Variants in POU6F2 observed in about 807,000 individuals in gnomAD.
POU6F2 encodes the protein POU domain, class 6, transcription factor 2.
Under a neutral mutation model 71.3 loss-of-function variants are expected in POU6F2, and 31 were observed. The observed-to-expected ratio is 0.43, with a 90% confidence interval of 0.33 to 0.59. The LOEUF (loss-of-function observed/expected upper bound fraction) is 0.59, where lower values mean the gene tolerates loss of function less well. Among genes scored for constraint, POU6F2 ranks in the 20% least tolerant of loss-of-function variants. POU6F2 has a pLI of 0.04. For synonymous variants in POU6F2, 347 were observed against 355.7 expected, an observed-to-expected ratio of 0.98 and a Z score of 0.27; for missense variants, 783 against 856.8, an observed-to-expected ratio of 0.91 and a Z score of 1.07.
intron 4 of POU6F2, among the ~76,000 whole-genome samples, chr7:39,218,264 G>C (rs190587470): frequency 6.6e-6 from 1 of 152,318 alleles, no homozygotes; most frequent in Admixed American, 6.5e-5. Flanking sequence ...ATGGATGGAA[G>C]GGAAGCAGGT....
intron 5 of POU6F2, among the ~76,000 whole-genome samples, chr7:39,388,351 T>C (rs1786991642): frequency 6.6e-6 from 1 of 152,164 alleles, no homozygotes; most frequent in African/African-American, 2.4e-5. Flanking sequence ...AGTCTCACTC[T>C]GTTGTCCAGG....
At position 39,418,921 on chromosome 7, in the gene POU6F2, GTATATATGTA is replaced by G. The variant is rs1166841564; in HGVS notation, c.1113+12187_1113+12196del. The stretch of plus-strand genomic sequence containing the variant: ...TGTGTGTGTGTGTGTATATATATAT[GTATATATGTA>G]TATATGTGTATATATGTATATATGT... On this transcript the variant is annotated intron_variant, in intron 6 of 9. Coordinates refer to ENST00000518318, the MANE Select transcript of POU6F2 (RefSeq NM_001370959.1). Among the ~76,000 whole-genome samples, 488 of 144,556 alleles carry G rather than the reference GTATATATGTA, an allele frequency of 3.4e-3. 6 individuals carry two copies. Among genetic ancestry groups the G allele is most frequent in the South Asian group, 0.011 (50 of 4,662 alleles). The allele number at this position is 144,556 out of a possible 152,430, so 94.8% of individuals were successfully genotyped here.
At chr7:39,165,221 A>T (rs145293916) in intron 2 of POU6F2, among the ~76,000 whole-genome samples, 3 of 152,264 alleles carry the variant, frequency 2.0e-5, no homozygotes, top group Non-Finnish European at 4.4e-5. Context: ...GTGGTGTCTC[A>T]GGTGAGACTA....
chr7:39,002,829 C>T (rs1395364360), intron 1 of POU6F2, among the ~76,000 whole-genome samples: 3 of 152,210 alleles, frequency 2.0e-5, no homozygotes, highest in Admixed American at 1.3e-4. Context: ...TTGCCCTTTC[C>T]TCTCTTCCTT....
intron 6 of POU6F2, among the ~76,000 whole-genome samples, chr7:39,432,790 C>A (rs959791089): frequency 2.6e-5 from 4 of 152,110 alleles, no homozygotes; most frequent in Admixed American, 2.0e-4. Context: ...AGATGTCAGA[C>A]CTGCCCTGGC....
chr7:38,999,066 G>A (rs796598846), intron 1 of POU6F2, among the ~76,000 whole-genome samples: 1 of 152,094 alleles, frequency 6.6e-6, no homozygotes, highest in South Asian at 2.1e-4. Flanking sequence ...GGAGAACATA[G>A]CAATGGGCTA....
chr7:38,982,051 G>A (rs1788330579), intron 1 of POU6F2, among the ~76,000 whole-genome samples: 1 of 152,124 alleles, frequency 6.6e-6, no homozygotes, highest in Non-Finnish European at 1.5e-5. Context: ...TGTGATGCAA[G>A]TGGTCTAGGG....
At chr7:39,405,336 AGAGAG>A (rs1787400536) in intron 5 of POU6F2, among the ~76,000 whole-genome samples, 1 of 152,038 alleles carries the variant, frequency 6.6e-6, no homozygotes, top group South Asian at 2.1e-4. Flanking sequence ...AAGAAGGAAA[AGAGAG>A]AGAGAGAAGA....
intron 7 of POU6F2, among the ~76,000 whole-genome samples, chr7:39,437,721 G>A (rs907063999): frequency 6.6e-6 from 1 of 151,864 alleles, no homozygotes; most frequent in Non-Finnish European, 1.5e-5. Flanking sequence ...TTAGGGTGTC[G>A]ATTTGAGAAC....
At chr7:39,111,053 G>A (rs886127630) in intron 2 of POU6F2, among the ~76,000 whole-genome samples, 1 of 152,088 alleles carries the variant, frequency 6.6e-6, no homozygotes, top group Non-Finnish European at 1.5e-5. Flanking sequence ...TACATTCTGT[G>A]TATCAATTTT....
At chr7:39,314,763 A>G (rs1021669180) in intron 4 of POU6F2, among the ~76,000 whole-genome samples, 1 of 152,246 alleles carries the variant, frequency 6.6e-6, no homozygotes, top group Non-Finnish European at 1.5e-5. Flanking sequence ...AAACTCTAGC[A>G]AAGGCATTAA....
chr7:39,046,591 G>A (rs985238861), intron 1 of POU6F2, among the ~76,000 whole-genome samples: 5 of 151,846 alleles, frequency 3.3e-5, no homozygotes, highest in African/African-American at 1.2e-4. Flanking sequence ...TCAGGATTTT[G>A]CAATAGCAGC....
intron 6 of POU6F2, among the ~76,000 whole-genome samples, chr7:39,422,695 T>C (rs1422348472): frequency 2.0e-5 from 3 of 152,196 alleles, no homozygotes; most frequent in Admixed American, 6.5e-5. Context: ...ACCATGTGCC[T>C]GCCATGTCTA....
intron 6 of POU6F2, among the ~76,000 whole-genome samples, chr7:39,425,410 A>G (rs545958144): frequency 1.3e-5 from 2 of 152,306 alleles, no homozygotes; most frequent in East Asian, 1.9e-4. Flanking sequence ...CTAACTGTCA[A>G]TGACCATGTC....
intron 4 of POU6F2, among the ~76,000 whole-genome samples, chr7:39,277,130 A>G (rs1462222534): frequency 6.6e-6 from 1 of 152,212 alleles, no homozygotes; most frequent in Non-Finnish European, 1.5e-5. Flanking sequence ...TGTAAAAACA[A>G]TAGCTAAGAT....
chr7:39,174,428 T>G lies in POU6F2; in HGVS notation c.278-29807T>G, dbSNP rs188796342. 7.1e-3 allele frequency among the ~76,000 whole-genome samples: 1,077 copies of G among 152,292 alleles called. 6 individuals are homozygous for G. Among genetic ancestry groups the G allele is most frequent in the Non-Finnish European group, 0.011 (717 of 68,024 alleles). On this transcript the variant is annotated intron_variant, in intron 2 of 9. Transcript: ENST00000518318. The stretch of plus-strand genomic sequence containing the variant: ...GATCAGGACTGTTCTTAAGGGTGAC[T>G]ATAATTAGAGAACAGCCATCTATAC...
rs1554311778 is a variant in POU6F2 at position 39,040,135 on chromosome 7, T to TAA, written c.106-45723_106-45722dup. Among the ~76,000 whole-genome samples the TAA allele has an allele frequency of 3.0e-4, 12 of 39,432 alleles. 2 individuals carry two copies. The highest frequency in any genetic ancestry group is 5.7e-4 in the Non-Finnish European group (12 of 20,928). The allele number at this position is 39,432 out of a possible 152,430, so 25.9% of individuals were successfully genotyped here. A position where few individuals can be genotyped will look rare whatever the true frequency, so the allele number is the denominator to read the frequency against. ...ATATACATTTATATATATATATATA[T>TAA]AAATCCCAGATTGACTGAGTTAATC... On this transcript the variant is annotated intron_variant, in intron 1 of 9. Transcript: ENST00000518318.
At chr7:39,208,350 A>G (rs1158285884) in intron 4 of POU6F2, among the ~76,000 whole-genome samples, 1 of 152,226 alleles carries the variant, frequency 6.6e-6, no homozygotes, top group African/African-American at 2.4e-5. Context: ...TGACCTGAAT[A>G]TAAATAGGAT....
chr7:38,989,515 C>T (rs1562656339), intron 1 of POU6F2, among the ~76,000 whole-genome samples: 1 of 152,076 alleles, frequency 6.6e-6, no homozygotes, highest in African/African-American at 2.4e-5. Flanking sequence ...AGAGAAATCA[C>T]ACCTTTTCAT....
Sources: allele counts gnomAD v4.1 joint callset (sites outside exome capture counted in the v4.1 genomes callset), GRCh38; gene constraint gnomAD v4.1.1; transcripts MANE v1.5; gene names NCBI Gene and HGNC (gene_info 2026-07-23, HGNC 2026-07-21).